Variants in IFT22 observed in about 807,000 individuals in gnomAD.
The protein encoded by IFT22 is intraflagellar transport protein 22 homolog.
Under a neutral mutation model 21.0 loss-of-function variants are expected in IFT22, and 13 were observed. The observed-to-expected ratio is 0.62, with a 90% CI of 0.40 to 0.98. The LOEUF is 0.98. Ranked by LOEUF, IFT22 falls within the 50% of genes least tolerant of loss-of-function variation. IFT22 has a pLI of 0.00. For synonymous variants in IFT22, 67 were observed against 82.4 expected (o/e 0.81, Z 1.01); for missense variants, 227 against 228.9 (o/e 0.99, Z 0.06).
At chr7:101,317,514 TG>T (rs1790195619) in intron 3 of IFT22, among the ~76,000 whole-genome samples, 1 of 151,934 alleles carries the variant, frequency 6.6e-6, no homozygotes, top group Admixed American at 6.6e-5. Flanking sequence ...GTGATCTGCC[TG>T]CCTCAGCCTC....
chr7:101,317,550 C>T (rs1290532936), intron 3 of IFT22, among the ~76,000 whole-genome samples: 2 of 151,862 alleles, frequency 1.3e-5, no homozygotes, highest in East Asian at 1.9e-4. Context: ...TTACAGGCGT[C>T]AGCCACTGCG....
chr7:101,316,315 G>A (rs780040252), intron 4 of IFT22, 25 bp downstream of exon 4: 29 of 1,609,294 alleles, frequency 1.8e-5, no homozygotes, highest in Non-Finnish European at 2.5e-5. Context: ...AGACAAAAGA[G>A]GAAGAGAAAT....
chr7:101,316,654 G>T, intron 3 of IFT22, 112 bp from the exon 4 acceptor site: 1 of 1,030,804 alleles, frequency 9.7e-7, no homozygotes, highest in Non-Finnish European at 1.4e-6. Context: ...GCTGGGCGTG[G>T]TGGCTCACAC....
In IFT22 at chr7:101,316,442, A is replaced by G. The variant is rs1360606142; in HGVS notation, c.307T>C (p.Tyr103His). Reference sequence around the variant, plus strand: ...GACGGCTGTTGGACAAAGCAGGAATACCACATCTCCATTTCCTTCCGGTGG... The same window carrying G: ...GACGGCTGTTGGACAAAGCAGGAATGCCACATCTCCATTTCCTTCCGGTGG... ...PSHRKEMEMW[Y>H]SCFVQQPSLQ... The change falls in exon 4 of 5, where the codon TAT becomes CAT. Residue 103 changes from tyrosine (Y) to histidine (H), a missense_variant. By Grantham distance (83) the Tyr-to-His change is moderately conservative (BLOSUM62 2). Coordinates refer to ENST00000315322, the MANE Select transcript of IFT22 (RefSeq NM_022777.4). 4 of 1,614,170 alleles carry G rather than the reference A, an allele frequency of 2.5e-6. No homozygotes were observed. Among genetic ancestry groups the G allele is most frequent in the Non-Finnish European group, 3.4e-6 (4 of 1,180,030 alleles).
rs778789685 is a variant in IFT22 at position 101,315,135 on chromosome 7, T to G, written c.557A>C (p.Ter186SerextTer34). 14 of 1,613,474 alleles carry G rather than the reference T, an allele frequency of 8.7e-6. No homozygotes were observed. Among genetic ancestry groups the G allele is most frequent in the East Asian group, 2.2e-5 (1 of 44,856 alleles). The change falls in exon 5 of 5, where the codon TAG becomes TCG. Residue 186 changes from the stop codon to serine (S), a stop_lost. Coordinates refer to ENST00000315322, the MANE Select transcript of IFT22 (RefSeq NM_022777.4). ...GTGGCAGTCCCAGGTGAAGGCTGGC[T>G]AGGTCATAATTGACATCTCCTCCCT... ...RDREEMSIMT[*>S] is the part of the protein sequence containing the mutation.
rs1290119617 is a variant in IFT22, at chr7:101,321,772, T to C, written c.-63A>G. The stretch of plus-strand genomic sequence containing the variant: ...GAGGCGGCGCGTCAGGACGGAGCTC[T>C]ACTTGGCCGCTTTCGTTTCCATGGC... On this transcript the variant is annotated 5_prime_UTR_variant, in exon 1 of 5. An upstream open reading frame in the 5' UTR loses its in-frame stop. Coordinates refer to ENST00000315322, the MANE Select transcript of IFT22 (RefSeq NM_022777.4). The C allele has an allele frequency of 8.2e-6, 12 of 1,463,300 alleles. No homozygotes were observed. The highest frequency in any genetic ancestry group is 2.5e-5 in the Admixed American group (1 of 39,434). 90.6% of individuals were successfully genotyped at this position (1,463,300 alleles called of 1,614,324 possible).
chr7:101,315,190 T>C lies in IFT22; in HGVS notation c.502A>G (p.Ile168Val), dbSNP rs1190288052. Reference protein sequence around the residue: ...RMEFIKYLKSIINSMSESRDR... With the variant: ...RMEFIKYLKSVINSMSESRDR... ...CTGCTCTCAGACATGGAGTTGATTA[T>C]GCTTTTTAAATACTTTATGAATTCC... is the stretch of plus-strand genomic sequence containing the variant. Residue 168 changes from isoleucine to valine, a missense_variant, in exon 5 of 5, where the codon ATA (isoleucine) becomes GTA (valine). Transcript: ENST00000315322. 4 of 1,613,984 alleles carry C rather than the reference T, an allele frequency of 2.5e-6. No homozygotes were observed. The highest frequency in any genetic ancestry group is 3.4e-6 in the Non-Finnish European group (4 of 1,179,986).
In IFT22 at chr7:101,318,596, T is replaced by C. The variant is rs374542470; in HGVS notation, c.116+360A>G. ...TTTGGAATGCCAACAGCAACAAAAG[T>C]AGGAAGTGGGTGATGGCTGGGCAGT... On this transcript the variant is annotated intron_variant, in intron 2 of 4. Coordinates refer to ENST00000315322, the MANE Select transcript of IFT22 (RefSeq NM_022777.4). The C allele has an allele frequency of 2.6e-5, 7 of 272,552 alleles. No homozygotes were observed. The East Asian group carries it at 5.1e-4, about 20-fold the overall frequency. 16.9% of individuals were successfully genotyped at this position (272,552 alleles called of 1,614,324 possible). A position where few individuals can be genotyped will look rare whatever the true frequency, so the allele number is the denominator to read the frequency against.
In IFT22 at chr7:101,321,358, G is replaced by C. The variant is rs1262145889; in HGVS notation, c.39+313C>G. 3 of 408,656 alleles carry C rather than the reference G, an allele frequency of 7.3e-6. No homozygotes were observed. In the Admixed American group the frequency reaches 1.3e-4, roughly 18 times the overall value. The allele number at this position is 408,656 out of a possible 1,614,324, so 25.3% of individuals were successfully genotyped here. A position where few individuals can be genotyped will look rare whatever the true frequency, so the allele number is the denominator to read the frequency against. On this transcript the variant is annotated intron_variant, in intron 1 of 4. Coordinates refer to ENST00000315322, the MANE Select transcript of IFT22 (RefSeq NM_022777.4). ...TCCAGACCCACAGACGCATTCATTA[G>C]GGGGATCCCGGGGGCAAAAGAAAGA...
At chr7:101,315,730 G>T in intron 4 of IFT22, 2 of 197,204 alleles carry the variant, frequency 1.0e-5, no homozygotes, top group Non-Finnish European at 2.0e-5. Flanking sequence ...CACTCTTGTT[G>T]TCCAGGCTGG....
chr7:101,318,861 T>C, intron 2 of IFT22, 95 bp downstream of exon 2: 1 of 976,714 alleles, frequency 1.0e-6, no homozygotes, highest in East Asian at 2.4e-5. Context: ...CAGGCGATCC[T>C]CCCGCTTTGA....
At position 101,321,778 on chromosome 7, in the gene IFT22, G is replaced by T; in HGVS notation, c.-69C>A. The T allele has an allele frequency of 6.9e-7, 1 of 1,445,366 alleles. No homozygotes were observed. Among genetic ancestry groups the T allele is most frequent in the Non-Finnish European group, 9.2e-7 (1 of 1,083,696 alleles). The allele number at this position is 1,445,366 out of a possible 1,614,324, so 89.5% of individuals were successfully genotyped here. ...GCGCGTCAGGACGGAGCTCTACTTGGCCGCTTTCGTTTCCATGGCGACGGA... is the reference window on the plus strand; with the variant it reads ...GCGCGTCAGGACGGAGCTCTACTTGTCCGCTTTCGTTTCCATGGCGACGGA... On this transcript the variant is annotated 5_prime_UTR_variant, in exon 1 of 5. Coordinates refer to ENST00000315322, the MANE Select transcript of IFT22 (RefSeq NM_022777.4).
chr7:101,316,267 T>C (rs764347777), intron 4 of IFT22, 73 bp downstream of exon 4: 5 of 1,441,226 alleles, frequency 3.5e-6, no homozygotes, highest in Non-Finnish European at 4.9e-6. Flanking sequence ...TGCTGGTTTC[T>C]AGGACATGGG....
chr7:101,316,640 G>A, intron 3 of IFT22, 98 bp from the exon 4 acceptor site: 1 of 1,271,616 alleles, frequency 7.9e-7, no homozygotes, highest in Non-Finnish European at 1.1e-6. Context: ...GTTGGTCTAT[G>A]ACGGCTGGGC....
In IFT22 at chr7:101,312,920, G is replaced by A. The variant is rs1165734661; in HGVS notation, c.*2214C>T. Among the ~76,000 whole-genome samples, 3 of 151,984 alleles carry A rather than the reference G, an allele frequency of 2.0e-5. No individual in the cohort carries two copies. Among genetic ancestry groups the A allele is most frequent in the Non-Finnish European group, 4.4e-5 (3 of 68,024 alleles). ...ACAATCTCGGCTTACTGCAACCTCC[G>A]CCTCCCAGGTTCAAGCGATTCTCCT... On this transcript the variant is annotated 3_prime_UTR_variant, in exon 5 of 5. Coordinates refer to ENST00000315322, the MANE Select transcript of IFT22 (RefSeq NM_022777.4).
At chr7:101,318,344 A>G in intron 2 of IFT22, 131 bp from the exon 3 acceptor site, 1 of 583,100 alleles carries the variant, frequency 1.7e-6, no homozygotes, top group South Asian at 1.7e-5. Context: ...ACATGGTGAA[A>G]CCCTTGCTAC....
chr7:101,318,415 G>A (rs1360960469), intron 2 of IFT22: 3 of 427,858 alleles, frequency 7.0e-6, no homozygotes, highest in Non-Finnish European at 1.3e-5. Flanking sequence ...AGCTACTGGG[G>A]AGGCTAAGGC....
rs151217146 is a variant in IFT22 at position 101,313,114 on chromosome 7, G to A, written c.*2020C>T. Reference sequence around the variant, plus strand: ...CTCCCAAAGTGTTGGGATTACAGGCGTAAGCCACTGCACCCGGCCTCCAGG... The same window carrying A: ...CTCCCAAAGTGTTGGGATTACAGGCATAAGCCACTGCACCCGGCCTCCAGG... On this transcript the variant is annotated 3_prime_UTR_variant, in exon 5 of 5. Coordinates refer to ENST00000315322, the MANE Select transcript of IFT22 (RefSeq NM_022777.4). 0.027 allele frequency among the ~76,000 whole-genome samples: 4,070 copies of A among 152,292 alleles called. 182 individuals are homozygous for A. Among genetic ancestry groups the A allele is most frequent in the African/African-American group, 0.092 (3,812 of 41,548 alleles).
rs573753937 is a variant in IFT22, at chr7:101,311,216, C to T, written c.*3918G>A. Among the ~76,000 whole-genome samples the T allele has an allele frequency of 1.4e-4, 21 of 152,196 alleles. 1 individual carries two copies. In the South Asian group the frequency reaches 4.4e-3, roughly 32 times the overall value. ...CACTGTTAGCCAGGATGGTCTCGAT[C>T]TCTTAACCTCGTAATCCACCCGCCT... On this transcript the variant is annotated 3_prime_UTR_variant, in exon 5 of 5. Coordinates refer to ENST00000315322, the MANE Select transcript of IFT22 (RefSeq NM_022777.4).
Sources: allele counts gnomAD v4.1 joint callset (sites outside exome capture counted in the v4.1 genomes callset), GRCh38; gene constraint gnomAD v4.1.1; transcripts MANE v1.5; gene names NCBI Gene and HGNC (gene_info 2026-07-23, HGNC 2026-07-21).